RAPGEF2: variants seen among roughly 807,000 people sequenced by gnomAD.
The protein encoded by RAPGEF2 is Rap guanine nucleotide exchange factor 2.
In RAPGEF2, 54 loss-of-function variants were observed where a neutral mutation model predicts 186.7. The observed-to-expected ratio is 0.29, with a 90% CI of 0.23 to 0.36. The LOEUF (loss-of-function observed/expected upper bound fraction) is 0.36. RAPGEF2 is among the 10% of genes least tolerant of loss of function. The pLI is 1.00. For missense variants in RAPGEF2, 1,532 were observed against 2,045.0 expected, an observed-to-expected ratio of 0.75 and a Z score of 4.84; for synonymous variants, 712 against 705.9, an observed-to-expected ratio of 1.01 and a Z score of -0.14.
chr4:159,353,573 A>T lies in RAPGEF2; in HGVS notation c.4178A>T (p.Asp1393Val). ...SSPSTEELSQ[D>V]QGDRASLDAA... Reference sequence around the variant, plus strand: ...CCAAGCACAGAGGAACTTTCCCAGGATCAGGGGGATCGCGCGTCACTTGAT... The same window carrying T: ...CCAAGCACAGAGGAACTTTCCCAGGTTCAGGGGGATCGCGCGTCACTTGAT... Residue 1393 changes from aspartate (D) to valine (V), a missense_variant, in exon 28 of 30, where the codon GAT becomes GTT. Asp to Val is a radical substitution (Grantham distance 152, BLOSUM62 -3). Coordinates refer to ENST00000691494, the MANE Select transcript of RAPGEF2 (RefSeq NM_001394067.2). This position sits in a 1 kb window ranked among gnomAD's most constrained non-coding sequence, Gnocchi z 4.3. The T allele has an allele frequency of 6.3e-7, 1 of 1,581,886 alleles. No homozygotes were observed. The highest frequency in any genetic ancestry group is 8.6e-7 in the Non-Finnish European group (1 of 1,167,538).
At chr4:159,152,621 T>G (rs1743675580) in intron 1 of RAPGEF2, among the ~76,000 whole-genome samples, 1 of 152,030 alleles carries the variant, frequency 6.6e-6, no homozygotes, top group Non-Finnish European at 1.5e-5. Context: ...CTTTTTTTTG[T>G]TTTTTTGGTT....
intron 5 of RAPGEF2, among the ~76,000 whole-genome samples, chr4:159,240,379 C>CTTGAAGTG (rs1287415643): frequency 5.5e-5 from 6 of 109,098 alleles, no homozygotes; most frequent in African/African-American, 2.2e-4. Context: ...TGTTGTCTAG[C>CTTGAAGTG]TTGAAGTGCA....
chr4:159,113,235 C>G (rs1405552064), intron 1 of RAPGEF2, among the ~76,000 whole-genome samples: 2 of 152,162 alleles, frequency 1.3e-5, no homozygotes, highest in African/African-American at 4.8e-5. Flanking sequence ...ATTAGGATGA[C>G]TGATGAAATT....
chr4:159,304,557 A>C, intron 8 of RAPGEF2, 84 bp downstream of exon 8: 1 of 1,290,776 alleles, frequency 7.7e-7, no homozygotes, highest in African/African-American at 1.5e-5. Context: ...GAATCTATAA[A>C]ATAAATATAT....
chr4:159,289,380 C>T (rs1760909082), intron 7 of RAPGEF2, among the ~76,000 whole-genome samples: 1 of 152,030 alleles, frequency 6.6e-6, no homozygotes, highest in South Asian at 2.1e-4. Context: ...TGCTGGCTTC[C>T]AGGAAGGCTA....
intron 1 of RAPGEF2, among the ~76,000 whole-genome samples, chr4:159,182,890 A>G (rs1227328050): frequency 4.6e-5 from 7 of 152,234 alleles, no homozygotes; most frequent in Non-Finnish European, 7.3e-5. Context: ...TACACTGAAA[A>G]GACAAAAACA....
intron 9 of RAPGEF2, among the ~76,000 whole-genome samples, chr4:159,315,248 C>T (rs1455399839): frequency 6.6e-6 from 1 of 151,000 alleles, no homozygotes; most frequent in Non-Finnish European, 1.5e-5. Flanking sequence ...GGCATATAGG[C>T]TGTGTGATGG....
chr4:159,126,290 A>G (rs913948554), intron 1 of RAPGEF2, among the ~76,000 whole-genome samples: 2 of 152,140 alleles, frequency 1.3e-5, no homozygotes, highest in Non-Finnish European at 2.9e-5. Flanking sequence ...ACCTATCTCC[A>G]AATTGGTTGA....
chr4:159,194,155 T>C (rs1401340390), intron 3 of RAPGEF2, among the ~76,000 whole-genome samples: 1 of 152,164 alleles, frequency 6.6e-6, no homozygotes, highest in East Asian at 1.9e-4. Context: ...AGACACTTTT[T>C]AGGCAGAAGG....
chr4:159,353,520 A>T lies in RAPGEF2; in HGVS notation c.4125A>T (p.Leu1375Phe), dbSNP rs1167418001. Reference protein sequence around the residue: ...SYAPMSEGRGLYATATVISSP... With the variant: ...SYAPMSEGRGFYATATVISSP... ...CACCAATGTCCGAGGGCCGAGGCTT[A>T]TATGCTACAGCTACAGTAATTTCTT... The change falls in exon 28 of 30, where the codon TTA (leucine) becomes TTT (phenylalanine). Residue 1375 changes from leucine to phenylalanine, a missense_variant. This residue lies in a region of RAPGEF2 where 594 missense variants were observed against 608.5 expected (regional missense o/e 0.98). Transcript: ENST00000691494. The surrounding 1 kb of genome is among the most constrained non-coding windows in gnomAD (Gnocchi z 4.3). 1.3e-6 allele frequency: 2 copies of T among 1,520,566 alleles called. No homozygotes were observed. The highest frequency in any genetic ancestry group is 1.8e-4 in the Middle Eastern group (1 of 5,644). The allele number at this position is 1,520,566 out of a possible 1,614,324, so 94.2% of individuals were successfully genotyped here. A position where few individuals can be genotyped will look rare whatever the true frequency, so the allele number is the denominator to read the frequency against.
At chr4:159,122,307 C>T (rs1252431536) in intron 1 of RAPGEF2, among the ~76,000 whole-genome samples, 2 of 151,826 alleles carry the variant, frequency 1.3e-5, no homozygotes, top group African/African-American at 2.4e-5. Context: ...GGTGAAACCC[C>T]ATCTCCACTA....
At chr4:159,325,900 G>T (rs1016576476) in intron 11 of RAPGEF2, among the ~76,000 whole-genome samples, 2 of 152,072 alleles carry the variant, frequency 1.3e-5, no homozygotes, top group African/African-American at 4.8e-5. Flanking sequence ...ATAGTCAACA[G>T]GGAAGAGTCC....
chr4:159,268,945 T>C (rs1287787788), intron 7 of RAPGEF2, among the ~76,000 whole-genome samples: 2 of 152,210 alleles, frequency 1.3e-5, no homozygotes, highest in African/African-American at 4.8e-5. Context: ...GATTGATACA[T>C]ACATAAATAT....
rs555440892 is a variant in RAPGEF2 at position 159,203,644 on chromosome 4, A to G, written c.198-6856A>G. Among the ~76,000 whole-genome samples the G allele has an allele frequency of 2.0e-5, 3 of 151,792 alleles. No homozygotes were observed. The South Asian group carries it at 6.3e-4, about 32-fold the overall frequency. On this transcript the variant is annotated intron_variant, in intron 3 of 29. Coordinates refer to ENST00000691494, the MANE Select transcript of RAPGEF2 (RefSeq NM_001394067.2). ...TTCAAAACCTTTGTGGCATAGGTGG[A>G]AAAAAAAATGTGTGGCCTGGCCGAA...
chr4:159,229,791 T>G (rs561408978), intron 4 of RAPGEF2, among the ~76,000 whole-genome samples: 1 of 152,224 alleles, frequency 6.6e-6, no homozygotes, highest in Non-Finnish European at 1.5e-5. Flanking sequence ...ATTGTTATAC[T>G]GTTTTTAGAG....
At chr4:159,164,677 A>G (rs564896888) in intron 1 of RAPGEF2, among the ~76,000 whole-genome samples, 1 of 152,324 alleles carries the variant, frequency 6.6e-6, no homozygotes, top group South Asian at 2.1e-4. Context: ...TGGGTGGTAC[A>G]GTACAATGCA....
At chr4:159,343,678 G>C (rs1729864150) in intron 22 of RAPGEF2, among the ~76,000 whole-genome samples, 1 of 152,148 alleles carries the variant, frequency 6.6e-6, no homozygotes, top group African/African-American at 2.4e-5. Flanking sequence ...TCAGAACACT[G>C]ACTTGTAGAG....
intron 29 of RAPGEF2, among the ~76,000 whole-genome samples, chr4:159,356,397 C>T (rs2111353690): frequency 6.6e-6 from 1 of 152,186 alleles, no homozygotes; most frequent in African/African-American, 2.4e-5. Flanking sequence ...GAGGGAGTCA[C>T]TTAAAATACA....
At chr4:159,311,904 A>T (rs917614760) in intron 8 of RAPGEF2, among the ~76,000 whole-genome samples, 4 of 152,334 alleles carry the variant, frequency 2.6e-5, no homozygotes, top group South Asian at 2.1e-4. Context: ...TTTATTCTAA[A>T]TAATAATCTC....
Sources: allele counts gnomAD v4.1 joint callset (sites outside exome capture counted in the v4.1 genomes callset), GRCh38; gene constraint gnomAD v4.1.1; regional missense constraint gnomAD v4.1.1; non-coding constraint Gnocchi (gnomAD v3.1); transcripts MANE v1.5; gene names NCBI Gene and HGNC (gene_info 2026-07-23, HGNC 2026-07-21).